The following TNFRSF11A variants were observed in gnomAD, a reference collection of about 807,000 sequenced individuals.
TNFRSF11A encodes TNF receptor superfamily member 11a, also known as tumor necrosis factor receptor superfamily member 11A.
In TNFRSF11A, 32 loss-of-function variants were observed where a neutral mutation model predicts 55.7. That is an observed-to-expected ratio of 0.57 (90% CI 0.43 to 0.77). The LOEUF (loss-of-function observed/expected upper bound fraction) is 0.77, where lower values mean the gene tolerates loss of function less well. Ranked by LOEUF, TNFRSF11A falls within the 30% of genes least tolerant of loss-of-function variation. The pLI is 0.00. For synonymous variants in TNFRSF11A, 311 were observed against 331.0 expected, an observed-to-expected ratio of 0.94 and a Z score of 0.65; for missense variants, 753 against 809.8, an observed-to-expected ratio of 0.93 and a Z score of 0.85.
intron 9 of TNFRSF11A, among the ~76,000 whole-genome samples, chr18:62,379,790 G>A (rs575795211): frequency 6.6e-6 from 1 of 152,262 alleles, no homozygotes; most frequent in South Asian, 2.1e-4. Flanking sequence ...GCAAGGGGTG[G>A]GTGGCTTGAA....
At chr18:62,365,579 A>G (rs556644307) in intron 7 of TNFRSF11A, among the ~76,000 whole-genome samples, 93 of 152,286 alleles carry the variant, frequency 6.1e-4, no homozygotes, top group Non-Finnish European at 1.2e-3. Context: ...TCTCCTAGAC[A>G]TGTTTTCTTT....
intron 6 of TNFRSF11A, among the ~76,000 whole-genome samples, chr18:62,360,354 G>C (rs1345503296): frequency 6.6e-6 from 1 of 152,158 alleles, no homozygotes; most frequent in Non-Finnish European, 1.5e-5. Context: ...ACAAGTGAGG[G>C]TGTCTATGAG....
At chr18:62,348,985 G>A (rs2046424800) in intron 2 of TNFRSF11A, among the ~76,000 whole-genome samples, 3 of 152,126 alleles carry the variant, frequency 2.0e-5, no homozygotes, top group South Asian at 2.1e-4. Flanking sequence ...ACCATGAGCC[G>A]GTAGTAAGTG....
intron 9 of TNFRSF11A, among the ~76,000 whole-genome samples, chr18:62,376,801 C>T (rs1239050626): frequency 6.6e-6 from 1 of 152,178 alleles, no homozygotes; most frequent in African/African-American, 2.4e-5. Flanking sequence ...TTTTCCTGGT[C>T]CAGAATGCCA....
intron 1 of TNFRSF11A, among the ~76,000 whole-genome samples, chr18:62,335,601 C>T (rs1192795398): frequency 6.6e-6 from 1 of 151,962 alleles, no homozygotes; most frequent in Non-Finnish European, 1.5e-5. Context: ...GAGTGACGGG[C>T]ACAAAGAGGC....
chr18:62,358,127 G>A, intron 4 of TNFRSF11A, 121 bp from the exon 5 acceptor site: 1 of 896,280 alleles, frequency 1.1e-6, no homozygotes, highest in Non-Finnish European at 1.8e-6. Flanking sequence ...GGGAGGTGAG[G>A]GCAGAGAGGG....
At chr18:62,343,594 A>G (rs2046343488) in intron 1 of TNFRSF11A, among the ~76,000 whole-genome samples, 1 of 152,150 alleles carries the variant, frequency 6.6e-6, no homozygotes, top group Non-Finnish European at 1.5e-5. Flanking sequence ...TTAATTTCAA[A>G]TTTATTATCT....
At chr18:62,365,450 G>T (rs1366477452) in intron 7 of TNFRSF11A, among the ~76,000 whole-genome samples, 2 of 152,180 alleles carry the variant, frequency 1.3e-5, no homozygotes. Flanking sequence ...CTTCTGAGAA[G>T]CAGCCAGATA....
intron 2 of TNFRSF11A, among the ~76,000 whole-genome samples, chr18:62,348,820 C>G (rs894911690): frequency 6.6e-6 from 1 of 152,154 alleles, no homozygotes; most frequent in African/African-American, 2.4e-5. Flanking sequence ...TCTCATCATT[C>G]TGGGGAGGGG....
At chr18:62,329,909 CCA>C in intron 1 of TNFRSF11A, among the ~76,000 whole-genome samples, 2 of 152,258 alleles carry the variant, frequency 1.3e-5, no homozygotes, top group Admixed American at 1.3e-4. Flanking sequence ...CAAAGCAGCC[CCA>C]GTCAGCAGTG....
chr18:62,384,779 G>T lies in TNFRSF11A; in HGVS notation c.1596G>T (p.Thr532=). ...SGNVTGNSNS[T]FISSGQVMNF... is the part of the protein sequence containing the mutation. The stretch of plus-strand genomic sequence containing the variant: ...ATGTGACTGGAAACAGTAACTCCAC[G>T]TTCATCTCCAGCGGGCAGGTGATGA... The change falls in exon 10 of 10, where the codon ACG becomes ACT. Residue 532 remains threonine (T), a synonymous_variant. Coordinates refer to ENST00000586569, the MANE Select transcript of TNFRSF11A (RefSeq NM_003839.4). 6.2e-7 allele frequency: 1 copy of T among 1,612,566 alleles called. No individual in the cohort carries two copies. Among genetic ancestry groups the T allele is most frequent in the East Asian group, 2.2e-5 (1 of 44,824 alleles).
intron 9 of TNFRSF11A, among the ~76,000 whole-genome samples, chr18:62,380,247 T>C (rs900547154): frequency 3.3e-5 from 5 of 152,156 alleles, no homozygotes; most frequent in Non-Finnish European, 5.9e-5. Context: ...GTATAACTTT[T>C]TTAAAAAAGG....
chr18:62,357,938 A>C (rs890774004), intron 4 of TNFRSF11A: 21 of 355,184 alleles, frequency 5.9e-5, no homozygotes, highest in African/African-American at 2.9e-4. Context: ...TCAGAACAAC[A>C]AAGGGTCATG....
chr18:62,328,959 T>C (rs2046112622), intron 1 of TNFRSF11A, among the ~76,000 whole-genome samples: 2 of 152,174 alleles, frequency 1.3e-5, no homozygotes, highest in African/African-American at 4.8e-5. Context: ...AATGTGCCTT[T>C]GGAGGTCAAT....
At chr18:62,332,975 G>A (rs138363538) in intron 1 of TNFRSF11A, among the ~76,000 whole-genome samples, 5 of 152,296 alleles carry the variant, frequency 3.3e-5, no homozygotes, top group African/African-American at 1.2e-4. Context: ...GATGAGTTCC[G>A]AGTGGAGAAT....
intron 1 of TNFRSF11A, among the ~76,000 whole-genome samples, chr18:62,345,187 C>T (rs527505868): frequency 3.0e-4 from 45 of 151,994 alleles, no homozygotes; most frequent in African/African-American, 9.2e-4. Flanking sequence ...GCACGCTTTA[C>T]GGGCTGTGTG....
chr18:62,388,646 G>A lies in TNFRSF11A; in HGVS notation c.*3612G>A, dbSNP rs1441333880. The stretch of plus-strand genomic sequence containing the variant: ...GGTGATTGAATTCCCTTAATGCACA[G>A]CACTATAGATTCCCACAATGAAAGG... On this transcript the variant is annotated 3_prime_UTR_variant, in exon 10 of 10. Coordinates refer to ENST00000586569, the MANE Select transcript of TNFRSF11A (RefSeq NM_003839.4). 5 of 152,348 alleles carry A rather than the reference G, an allele frequency of 3.3e-5. No individual in the cohort carries two copies. The highest frequency in any genetic ancestry group is 1.2e-4 in the African/African-American group (5 of 41,584). The allele number at this position is 152,348 out of a possible 1,614,324, so 9.4% of individuals were successfully genotyped here. A position where few individuals can be genotyped will look rare whatever the true frequency, so the allele number is the denominator to read the frequency against.
rs138444094 is a variant in TNFRSF11A at position 62,361,726 on chromosome 18, G to A, written c.663G>A (p.Ala221=). Residue 221 remains alanine, a synonymous_variant, in exon 7 of 10, where the codon GCG becomes GCA. Coordinates refer to ENST00000586569, the MANE Select transcript of TNFRSF11A (RefSeq NM_003839.4). ...GTTTAATAATTCTGCTTCTCTTCGC[G>A]TCTGTGGCCCTGGTGGCTGCCATCA... ...LPGLIILLLF[A]SVALVAAIIF... 162 of 1,614,086 alleles carry A rather than the reference G, an allele frequency of 1.0e-4. 1 individual carries two copies. The African/African-American group carries it at 1.5e-3, about 15-fold the overall frequency.
chr18:62,357,357 G>A (rs1029545101), intron 4 of TNFRSF11A, among the ~76,000 whole-genome samples: 1 of 152,128 alleles, frequency 6.6e-6, no homozygotes, highest in Non-Finnish European at 1.5e-5. Flanking sequence ...ATAGGCATAG[G>A]AAACCTGAGA....
Sources: allele counts gnomAD v4.1 joint callset (sites outside exome capture counted in the v4.1 genomes callset), GRCh38; gene constraint gnomAD v4.1.1; transcripts MANE v1.5; gene names NCBI Gene and HGNC (gene_info 2026-07-23, HGNC 2026-07-21).